Variants in ADAM10 observed in about 807,000 individuals in gnomAD.
The protein encoded by ADAM10 is ADAM metallopeptidase domain 10.
Under a neutral mutation model 90.1 loss-of-function variants are expected in ADAM10, and 17 were observed. The ratio of observed to expected loss-of-function variants is 0.19; its 90% CI spans 0.13 to 0.28. The LOEUF (loss-of-function observed/expected upper bound fraction) is 0.28, where lower values mean the gene tolerates loss of function less well. Among genes scored for constraint, ADAM10 ranks in the 10% least tolerant of loss-of-function variants. The pLI, the probability that ADAM10 is intolerant of heterozygous loss-of-function variation, is 1.00. For synonymous variants in ADAM10, 310 were observed against 298.6 expected (o/e 1.04, Z -0.40); for missense variants, 610 against 914.3 (o/e 0.67, Z 4.29).
chr15:58,692,244 G>A (rs747293709), intron 2 of ADAM10: 9 of 595,396 alleles, frequency 1.5e-5, no homozygotes, highest in Non-Finnish European at 2.3e-5. Context: ...CTTCTACAGG[G>A]AATTGCTTGA....
intron 1 of ADAM10, among the ~76,000 whole-genome samples, chr15:58,720,272 G>C (rs1180863616): frequency 8.5e-5 from 13 of 152,292 alleles, no homozygotes; most frequent in Admixed American, 2.6e-4. Flanking sequence ...CCTCCCAAGA[G>C]AGGTGAGAAG....
chr15:58,716,896 T>C (rs907072199), intron 2 of ADAM10, among the ~76,000 whole-genome samples: 8 of 151,606 alleles, frequency 5.3e-5, no homozygotes, highest in African/African-American at 1.9e-4. Flanking sequence ...CCCTAACAGA[T>C]AGAGAAAAAA....
rs1566960154 is a variant in ADAM10, at chr15:58,593,149, A to ATATTTTTT, written c.*4397_*4398insAAAAAATA. ...AAAGTAACAAAGGCCAGGTACTCAA[A>ATATTTTTT]TTTTTTTTTTTTTTTTTTTTTTTTT... On this transcript the variant is annotated 3_prime_UTR_variant, in exon 16 of 16. Coordinates refer to ENST00000260408, the MANE Select transcript of ADAM10 (RefSeq NM_001110.4). 1.5e-5 allele frequency: 1 copy of ATATTTTTT among 68,402 alleles called. No individual in the cohort carries two copies. Among genetic ancestry groups the ATATTTTTT allele is most frequent in the Non-Finnish European group, 2.8e-5 (1 of 36,234 alleles). 4.2% of individuals were successfully genotyped at this position (68,402 alleles called of 1,614,324 possible). A position where few individuals can be genotyped will look rare whatever the true frequency, so the allele number is the denominator to read the frequency against.
At chr15:58,619,705 C>T (rs1009543405) in intron 11 of ADAM10, among the ~76,000 whole-genome samples, 17 of 151,894 alleles carry the variant, frequency 1.1e-4, no homozygotes, top group Non-Finnish European at 2.2e-4. Flanking sequence ...GAGATCGAGA[C>T]CACCTTGGCT....
At chr15:58,721,067 T>C (rs1244397409) in intron 1 of ADAM10, among the ~76,000 whole-genome samples, 1 of 152,228 alleles carries the variant, frequency 6.6e-6, no homozygotes, top group Non-Finnish European at 1.5e-5. Context: ...TCTGTCACTT[T>C]TGATAACTTA....
chr15:58,640,262 C>G (rs1370214651), intron 8 of ADAM10, among the ~76,000 whole-genome samples: 1 of 152,116 alleles, frequency 6.6e-6, no homozygotes, highest in African/African-American at 2.4e-5. Flanking sequence ...CTCTTTCATG[C>G]AGTGCTTCCC....
chr15:58,714,198 G>A lies in ADAM10; in HGVS notation c.206+3379C>T, dbSNP rs552934023. 7.2e-5 allele frequency among the ~76,000 whole-genome samples: 11 copies of A among 152,012 alleles called. No homozygotes were observed. The East Asian group carries it at 2.1e-3, about 29-fold the overall frequency. ...GTAAACATGGCATATAATATACTCT[G>A]TTAATCAGAAAACTTGGAAGCCATG... On this transcript the variant is annotated intron_variant, in intron 2 of 15. Transcript: ENST00000260408.
intron 2 of ADAM10, among the ~76,000 whole-genome samples, chr15:58,705,411 A>G (rs1898249721): frequency 6.6e-6 from 1 of 152,206 alleles, no homozygotes; most frequent in Non-Finnish European, 1.5e-5. Flanking sequence ...GTAAAATTGT[A>G]AAGAATGGAG....
At position 58,726,269 on chromosome 15, in the gene ADAM10, C is replaced by T. The variant is rs1221861682; in HGVS notation, c.56-8542G>A. Among the ~76,000 whole-genome samples, 3 of 151,984 alleles carry T rather than the reference C, an allele frequency of 2.0e-5. No homozygotes were observed. The East Asian group carries it at 5.8e-4, about 29-fold the overall frequency. Reference sequence around the variant, plus strand: ...CCTCTAAAAAATACAACAGGTATATCATCATAAAGCCAATAGCAGAGATAA... The same window carrying T: ...CCTCTAAAAAATACAACAGGTATATTATCATAAAGCCAATAGCAGAGATAA... On this transcript the variant is annotated intron_variant, in intron 1 of 15. Transcript: ENST00000260408.
intron 4 of ADAM10, among the ~76,000 whole-genome samples, chr15:58,669,761 T>C (rs1897153662): frequency 6.6e-6 from 1 of 152,162 alleles, no homozygotes. Flanking sequence ...TAACAAATCA[T>C]GGTATCCACA....
At position 58,611,756 on chromosome 15, in the gene ADAM10, G is replaced by A. The variant is rs2140998911; in HGVS notation, c.1695+52C>T. 11 of 1,563,000 alleles carry A rather than the reference G, an allele frequency of 7.0e-6. No homozygotes were observed. The South Asian group carries it at 1.1e-4, about 16-fold the overall frequency. On this transcript the variant is annotated intron_variant, in intron 12 of 15. Transcript: ENST00000260408. ...AGCTTTAAGCATCAATAATTCTTCT[G>A]AAAAACAAGTTTTCTAAAATTAAAT... is the stretch of plus-strand genomic sequence containing the variant.
intron 5 of ADAM10, among the ~76,000 whole-genome samples, chr15:58,647,143 A>G (rs1171792916): frequency 6.6e-6 from 1 of 150,928 alleles, no homozygotes; most frequent in African/African-American, 2.4e-5. Flanking sequence ...ATCCCACTTC[A>G]CCCACTAGAA....
rs71116591 is a variant in ADAM10 at position 58,714,292 on chromosome 15, T to TACACACACACACAC, written c.206+3271_206+3284dup. ...TTACTTTAATACTTATACATACACA[T>TACACACACACACAC]ACACACACACACACACACACACACA... On this transcript the variant is annotated intron_variant, in intron 2 of 15. Transcript: ENST00000260408. 3.0e-3 allele frequency among the ~76,000 whole-genome samples: 436 copies of TACACACACACACAC among 142,994 alleles called. 1 individual carries two copies. Among genetic ancestry groups the TACACACACACACAC allele is most frequent in the African/African-American group, 9.1e-3 (354 of 38,706 alleles). 93.8% of individuals were successfully genotyped at this position (142,994 alleles called of 152,430 possible). A position where few individuals can be genotyped will look rare whatever the true frequency, so the allele number is the denominator to read the frequency against.
chr15:58,731,986 G>A (rs961197233), intron 1 of ADAM10, among the ~76,000 whole-genome samples: 2 of 152,326 alleles, frequency 1.3e-5, no homozygotes, highest in Non-Finnish European at 2.9e-5. Context: ...TCTTCTAGAA[G>A]GAAAAGAGCC....
intron 3 of ADAM10, among the ~76,000 whole-genome samples, chr15:58,679,484 A>C (rs1897370883): frequency 6.6e-6 from 1 of 152,204 alleles, no homozygotes; most frequent in South Asian, 2.1e-4. Flanking sequence ...GTGAACAGCA[A>C]CTAGTATTTA....
Position 58,597,592 on chromosome 15 carries a change from A to G in ADAM10, c.2202T>C (p.Arg734=). 1 of 1,614,102 alleles carries G rather than the reference A, an allele frequency of 6.2e-7. No homozygotes were observed. The highest frequency in any genetic ancestry group is 8.5e-7 in the Non-Finnish European group (1 of 1,180,016). Residue 734 remains arginine (R), a synonymous_variant, in exon 16 of 16, where the codon CGT becomes CGC. Coordinates refer to ENST00000260408, the MANE Select transcript of ADAM10 (RefSeq NM_001110.4). The stretch of plus-strand genomic sequence containing the variant: ...TTTGATAACTCTCTCGGGGCCGCTG[A>G]CGCTGGGGTTGCTGAATGGGCTGTG... ...RPPQPIQQPQ[R]QRPRESYQMG... is the part of the protein sequence containing the mutation.
intron 4 of ADAM10, among the ~76,000 whole-genome samples, chr15:58,677,173 C>G (rs901147220): frequency 7.2e-5 from 11 of 152,208 alleles, no homozygotes; most frequent in African/African-American, 2.7e-4. Flanking sequence ...CTCCCATCCT[C>G]ATATCCTACA....
chr15:58,726,567 C>CAAAAAAAA (rs71116593), intron 1 of ADAM10, among the ~76,000 whole-genome samples: 400 of 20,772 alleles, frequency 0.019, 61 homozygotes, highest in Middle Eastern at 0.1. Context: ...CTCAGTCTCC[C>CAAAAAAAA]AAAAAAAAAA....
At chr15:58,689,316 T>G (rs1897707473) in intron 2 of ADAM10, among the ~76,000 whole-genome samples, 1 of 152,086 alleles carries the variant, frequency 6.6e-6, no homozygotes, top group African/African-American at 2.4e-5. Context: ...TGAAAGCCTG[T>G]CTCTACTAAA....
Sources: gnomAD v4.1 joint callset for allele counts (sites outside exome capture counted in the v4.1 genomes callset) on GRCh38, gnomAD v4.1.1 for gene constraint, MANE v1.5 for transcripts, NCBI Gene and HGNC (gene_info 2026-07-23, HGNC 2026-07-21) for gene names.